Variants in FRMD4A observed in about 807,000 individuals in gnomAD.
FRMD4A encodes FERM domain containing 4A, also known as FERM domain-containing protein 4A.
A neutral mutation model predicts 129.1 loss-of-function variants in FRMD4A; 29 were observed. That is an observed-to-expected ratio of 0.22 (90% CI 0.17 to 0.31). The LOEUF (loss-of-function observed/expected upper bound fraction) is 0.31. FRMD4A is among the 10% of genes least tolerant of loss of function. The probability of loss-of-function intolerance (pLI) is 1.00; values close to 1 mark genes in which losing one functional copy is unlikely to be tolerated. For missense variants in FRMD4A, 1,272 were observed against 1,375.8 expected, an observed-to-expected ratio of 0.92 and a Z score of 1.19; for synonymous variants, 634 against 571.6, an observed-to-expected ratio of 1.11 and a Z score of -1.56.
intron 2 of FRMD4A, among the ~76,000 whole-genome samples, chr10:14,058,745 C>T (rs951326834): frequency 3.3e-5 from 5 of 152,110 alleles, no homozygotes; most frequent in African/African-American, 9.7e-5. Flanking sequence ...TGGTGGAAGA[C>T]CATATGCCAC....
intron 2 of FRMD4A, among the ~76,000 whole-genome samples, chr10:13,884,212 A>ACACACTCTCACACACACACT (rs1564971832): frequency 2.4e-5 from 2 of 84,930 alleles, no homozygotes; most frequent in African/African-American, 4.3e-5. Flanking sequence ...ACACACTCAC[A>ACACACTCTCACACACACACT]CACACACACA....
chr10:13,692,318 T>G (rs976638537), intron 15 of FRMD4A: 1 of 152,080 alleles, frequency 6.6e-6, no homozygotes. Flanking sequence ...CGGCTAATTT[T>G]TGTATTTTTA....
intron 2 of FRMD4A, among the ~76,000 whole-genome samples, chr10:14,023,826 A>T (rs1448739920): frequency 2.0e-5 from 3 of 152,150 alleles, no homozygotes; most frequent in Non-Finnish European, 2.9e-5. Context: ...CAGGCCACAA[A>T]ATCACTTCCT....
At chr10:13,820,007 C>T (rs1433205155) in intron 3 of FRMD4A, among the ~76,000 whole-genome samples, 1 of 152,034 alleles carries the variant, frequency 6.6e-6, no homozygotes, top group African/African-American at 2.4e-5. Flanking sequence ...ATATTGCCTC[C>T]TTATAAGAGA....
intron 2 of FRMD4A, among the ~76,000 whole-genome samples, chr10:14,077,595 C>T (rs904313235): frequency 6.6e-6 from 1 of 152,078 alleles, no homozygotes; most frequent in Non-Finnish European, 1.5e-5. Flanking sequence ...GTTTTCCTTG[C>T]CCTGCTATTA....
chr10:14,158,165 AG>A (rs1589097653), intron 2 of FRMD4A, among the ~76,000 whole-genome samples: 1 of 152,198 alleles, frequency 6.6e-6, no homozygotes, highest in African/African-American at 2.4e-5. Flanking sequence ...AAGCAATGGG[AG>A]GAGCTGGAGA....
chr10:14,123,188 G>T (rs971302981), intron 2 of FRMD4A, among the ~76,000 whole-genome samples: 1 of 152,092 alleles, frequency 6.6e-6, no homozygotes, highest in African/African-American at 2.4e-5. Context: ...AAGTTGCTGA[G>T]GTAGGCAGTC....
chr10:13,910,896 A>G (rs1432719066), intron 2 of FRMD4A, among the ~76,000 whole-genome samples: 29 of 2,956 alleles, frequency 9.8e-3, no homozygotes, highest in African/African-American at 0.018. Flanking sequence ...ATGAAAAAAA[A>G]AAAAAAAAAA....
intron 2 of FRMD4A, among the ~76,000 whole-genome samples, chr10:14,306,328 T>C (rs1846350414): frequency 6.6e-6 from 1 of 152,212 alleles, no homozygotes; most frequent in Admixed American, 6.5e-5. Flanking sequence ...GTGAAACGCC[T>C]GTTCCCAACA....
chr10:14,128,219 T>G (rs1839036214), intron 2 of FRMD4A, among the ~76,000 whole-genome samples: 1 of 151,466 alleles, frequency 6.6e-6, no homozygotes, highest in South Asian at 2.1e-4. Context: ...TCTTCCCACC[T>G]CAGCCTGCTG....
At chr10:13,915,150 A>G (rs1287430642) in intron 2 of FRMD4A, among the ~76,000 whole-genome samples, 4 of 152,240 alleles carry the variant, frequency 2.6e-5, no homozygotes, top group African/African-American at 9.6e-5. Flanking sequence ...TTTAAGACAG[A>G]TGTTTGCAAA....
chr10:14,230,679 A>G (rs969166177), intron 2 of FRMD4A, among the ~76,000 whole-genome samples: 21 of 152,120 alleles, frequency 1.4e-4, no homozygotes, highest in Admixed American at 1.2e-3. Context: ...GGTTTCTTAC[A>G]CGGGGAATTT....
chr10:13,687,964 C>G lies in FRMD4A; in HGVS notation c.1117+5934G>C, dbSNP rs149148182. 2.6e-3 allele frequency among the ~76,000 whole-genome samples: 400 copies of G among 152,266 alleles called. 1 individual carries two copies. Among genetic ancestry groups the G allele is most frequent in the Admixed American group, 0.011 (164 of 15,296 alleles). On this transcript the variant is annotated intron_variant, in intron 15 of 24. Coordinates refer to ENST00000357447, the MANE Select transcript of FRMD4A (RefSeq NM_018027.5). ...TAAGGGCCTCCACTTAAATACAGGT[C>G]TACGGGGTCTCACAGGGGACAGCTC...
chr10:13,890,957 C>T (rs2094688498), intron 2 of FRMD4A: 2 of 616,274 alleles, frequency 3.2e-6, no homozygotes, highest in South Asian at 7.2e-5. Context: ...CCAAGTCGCT[C>T]GTTACGCACA....
intron 2 of FRMD4A, among the ~76,000 whole-genome samples, chr10:13,974,928 C>T (rs2095536111): frequency 6.6e-6 from 1 of 152,250 alleles, no homozygotes; most frequent in Non-Finnish European, 1.5e-5. Flanking sequence ...CCATTGAGAA[C>T]AATGCCCTTG....
At chr10:14,078,550 C>G (rs769485802) in intron 2 of FRMD4A, among the ~76,000 whole-genome samples, 2 of 152,244 alleles carry the variant, frequency 1.3e-5, no homozygotes, top group African/African-American at 4.8e-5. Context: ...CAGTAAGTTA[C>G]TGAGCACCTA....
chr10:14,178,467 C>A (rs1245972707), intron 2 of FRMD4A, among the ~76,000 whole-genome samples: 1 of 152,158 alleles, frequency 6.6e-6, no homozygotes, highest in Non-Finnish European at 1.5e-5. Flanking sequence ...GTCCATTTAT[C>A]ACTTATGATT....
chr10:13,759,520 T>G (rs542224405), intron 8 of FRMD4A, among the ~76,000 whole-genome samples: 1 of 152,042 alleles, frequency 6.6e-6, no homozygotes, highest in South Asian at 2.1e-4. Flanking sequence ...GCGAAAGAAA[T>G]GTGGAGGGAA....
intron 2 of FRMD4A, chr10:13,871,046 C>G (rs7099934): frequency 0.4 from 63,452 of 158,644 alleles, 13,485 homozygotes; most frequent in Non-Finnish European, 0.48. Flanking sequence ...CCTCAGCATG[C>G]TTGTGAGCCA....
Sources: allele counts gnomAD v4.1 joint callset (sites outside exome capture counted in the v4.1 genomes callset), GRCh38; gene constraint gnomAD v4.1.1; transcripts MANE v1.5; gene names NCBI Gene and HGNC (gene_info 2026-07-23, HGNC 2026-07-21).